RSPO2: variants seen among roughly 807,000 people sequenced by gnomAD.
RSPO2 encodes R-spondin 2.
In RSPO2, 14 loss-of-function variants were observed where a neutral mutation model predicts 30.9. The observed-to-expected ratio is 0.45, with a 90% CI of 0.30 to 0.71. RSPO2 has a LOEUF of 0.71. Among genes scored for constraint, RSPO2 ranks in the 30% least tolerant of loss-of-function variants. The pLI is 0.08. For missense variants in RSPO2, 264 were observed against 301.9 expected, an observed-to-expected ratio of 0.87 and a Z score of 0.93; for synonymous variants, 107 against 96.4, an observed-to-expected ratio of 1.11 and a Z score of -0.64.
chr8:107,960,658 A>G lies in RSPO2; in HGVS notation c.427+16T>C. 6.2e-7 allele frequency: 1 copy of G among 1,604,208 alleles called. No homozygotes were observed. The highest frequency in any genetic ancestry group is 8.5e-7 in the Non-Finnish European group (1 of 1,177,306). On this transcript the variant is annotated intron_variant, in intron 4 of 5. Coordinates refer to ENST00000276659, the MANE Select transcript of RSPO2 (RefSeq NM_178565.5). ...ATAAAAGTTGCAGATTGAGAGTTAC[A>G]TTAAAAACTACTCACCCACACATTC...
intron 5 of RSPO2, among the ~76,000 whole-genome samples, chr8:107,903,173 T>C (rs1330257435): frequency 1.3e-5 from 2 of 152,160 alleles, no homozygotes; most frequent in Non-Finnish European, 2.9e-5. Context: ...GTTTAAAAAA[T>C]CATTACTGAC....
At chr8:108,051,885 A>C (rs1335211454) in intron 2 of RSPO2, among the ~76,000 whole-genome samples, 4 of 152,194 alleles carry the variant, frequency 2.6e-5, no homozygotes, top group African/African-American at 9.6e-5. Context: ...TTGTTTCTTA[A>C]GGGGTTTGGC....
chr8:107,927,883 A>T (rs926443616), intron 5 of RSPO2, among the ~76,000 whole-genome samples: 1 of 152,120 alleles, frequency 6.6e-6, no homozygotes, highest in Non-Finnish European at 1.5e-5. Context: ...TGTATTACAG[A>T]TGTGCAACTA....
intron 2 of RSPO2, among the ~76,000 whole-genome samples, chr8:108,037,501 G>C (rs898748085): frequency 1.3e-5 from 2 of 152,188 alleles, no homozygotes; most frequent in African/African-American, 4.8e-5. Flanking sequence ...AGTAAGTATT[G>C]ATGTAGAAGC....
intron 3 of RSPO2, among the ~76,000 whole-genome samples, chr8:107,977,800 A>G (rs890122034): frequency 6.6e-6 from 1 of 152,138 alleles, no homozygotes; most frequent in African/African-American, 2.4e-5. Context: ...AGGTTTAACC[A>G]TATATTAGCA....
intron 4 of RSPO2, among the ~76,000 whole-genome samples, chr8:107,958,490 A>C (rs1468768870): frequency 6.6e-6 from 1 of 151,986 alleles, no homozygotes; most frequent in African/African-American, 2.4e-5. Context: ...GTTACTTTCC[A>C]TTTGTCTTAG....
intron 5 of RSPO2, among the ~76,000 whole-genome samples, chr8:107,928,150 A>AGGATCT (rs1353556472): frequency 6.6e-6 from 1 of 152,136 alleles, no homozygotes; most frequent in African/African-American, 2.4e-5. Flanking sequence ...TTAAGTGCTA[A>AGGATCT]GGATCTCTTG....
At chr8:108,059,808 C>A (rs1347742050) in intron 2 of RSPO2, among the ~76,000 whole-genome samples, 8 of 137,030 alleles carry the variant, frequency 5.8e-5, no homozygotes, top group African/African-American at 8.4e-5. Context: ...ACAATGAGAA[C>A]ACATGGACAC....
intron 3 of RSPO2, among the ~76,000 whole-genome samples, chr8:107,984,139 G>A (rs181319863): frequency 1.6e-3 from 239 of 152,340 alleles, no homozygotes; most frequent in Middle Eastern, 0.01. Flanking sequence ...TGTGAAATGC[G>A]CAGCATATCT....
chr8:107,981,298 T>A (rs554582337), intron 3 of RSPO2, among the ~76,000 whole-genome samples: 3 of 152,200 alleles, frequency 2.0e-5, no homozygotes, highest in Non-Finnish European at 2.9e-5. Context: ...ATGGGGGGAT[T>A]TCCTGAGCTT....
At chr8:107,973,557 C>G (rs867999297) in intron 3 of RSPO2, among the ~76,000 whole-genome samples, 5 of 136,640 alleles carry the variant, frequency 3.7e-5, no homozygotes, top group African/African-American at 1.3e-4. Flanking sequence ...CACACACACA[C>G]ACACAGAACA....
At chr8:107,925,796 G>C (rs571941385) in intron 5 of RSPO2, among the ~76,000 whole-genome samples, 19 of 152,268 alleles carry the variant, frequency 1.2e-4, no homozygotes, top group Non-Finnish European at 2.6e-4. Flanking sequence ...TCTTAATCCA[G>C]TCTATCATTG....
intron 2 of RSPO2, among the ~76,000 whole-genome samples, chr8:108,060,004 C>T (rs201647130): frequency 6.6e-6 from 1 of 150,708 alleles, no homozygotes; most frequent in Non-Finnish European, 1.5e-5. Flanking sequence ...AAGTATAATA[C>T]TAATAAAATA....
chr8:108,078,690 A>G (rs1813090182), intron 2 of RSPO2, among the ~76,000 whole-genome samples: 1 of 152,228 alleles, frequency 6.6e-6, no homozygotes, highest in Admixed American at 6.5e-5. Flanking sequence ...GGAAGAAACT[A>G]TATCTAATTT....
chr8:108,015,101 G>A (rs1051546465), intron 2 of RSPO2, among the ~76,000 whole-genome samples: 10 of 152,042 alleles, frequency 6.6e-5, no homozygotes, highest in Admixed American at 2.6e-4. Context: ...TCATACGTTG[G>A]TTTCTTGGCC....
chr8:107,971,583 C>A (rs569893129), intron 3 of RSPO2, among the ~76,000 whole-genome samples: 2 of 152,234 alleles, frequency 1.3e-5, no homozygotes, highest in South Asian at 4.2e-4. Context: ...GGTGAATAAC[C>A]ATTACTGAAG....
At chr8:108,079,493 G>A (rs368017974) in intron 2 of RSPO2, among the ~76,000 whole-genome samples, 13 of 152,012 alleles carry the variant, frequency 8.6e-5, no homozygotes, top group African/African-American at 1.7e-4. Context: ...AAAATATACC[G>A]TTAAATGATA....
At chr8:107,977,606 T>G (rs684786) in intron 3 of RSPO2, among the ~76,000 whole-genome samples, 118,555 of 152,058 alleles carry the variant, frequency 0.78, 46,399 homozygotes, top group East Asian at 0.92. Flanking sequence ...GGGGAGTGGG[T>G]CTGAGAGAGA....
intron 2 of RSPO2, among the ~76,000 whole-genome samples, chr8:108,063,677 T>C (rs1373625652): frequency 6.6e-6 from 1 of 151,862 alleles, no homozygotes; most frequent in Non-Finnish European, 1.5e-5. Flanking sequence ...TTGGAAAAAC[T>C]ACTTTAAAGT....
Sources: gnomAD v4.1 joint callset for allele counts (sites outside exome capture counted in the v4.1 genomes callset) on GRCh38, gnomAD v4.1.1 for gene constraint, MANE v1.5 for transcripts, NCBI Gene and HGNC (gene_info 2026-07-23, HGNC 2026-07-21) for gene names.